TENM4: variants seen among roughly 807,000 people sequenced by gnomAD.
TENM4 encodes the protein teneurin-4.
In TENM4, 82 loss-of-function variants were observed where a neutral mutation model predicts 243.3. That is an observed-to-expected ratio of 0.34 (90% CI 0.28 to 0.40). The LOEUF (loss-of-function observed/expected upper bound fraction) is 0.40, where lower values mean the gene tolerates loss of function less well. Ranked by LOEUF, TENM4 falls within the 10% of genes least tolerant of loss-of-function variation. The pLI is 1.00. For synonymous variants in TENM4, 1,412 were observed against 1,456.3 expected (o/e 0.97, Z 0.69); for missense variants, 3,138 against 3,673.3 (o/e 0.85, Z 3.77).
At chr11:78,986,067 G>T (rs1473243277) in intron 6 of TENM4, among the ~76,000 whole-genome samples, 1 of 152,192 alleles carries the variant, frequency 6.6e-6, no homozygotes, top group African/African-American at 2.4e-5. Flanking sequence ...AATATACTAG[G>T]AGCAATTCCC....
intron 16 of TENM4, among the ~76,000 whole-genome samples, chr11:78,784,288 A>T (rs1856892257): frequency 6.6e-6 from 1 of 152,238 alleles, no homozygotes; most frequent in African/African-American, 2.4e-5. Flanking sequence ...ATCAAAGACT[A>T]AAAATGGATT....
chr11:79,104,277 A>C (rs532072671), intron 4 of TENM4, among the ~76,000 whole-genome samples: 54 of 152,370 alleles, frequency 3.5e-4, no homozygotes, highest in Non-Finnish European at 6.2e-4. Flanking sequence ...ATAGGTATTC[A>C]AGAAATTTTT....
intron 2 of TENM4, among the ~76,000 whole-genome samples, chr11:79,248,886 C>T (rs1368867523): frequency 6.6e-6 from 1 of 152,082 alleles, no homozygotes; most frequent in East Asian, 1.9e-4. Flanking sequence ...CTTCCTCTGG[C>T]CACATTAGTG....
Position 78,903,400 on chromosome 11 carries a change from G to T in TENM4, c.617C>A (p.Thr206Lys). 1 of 1,536,978 alleles carries T rather than the reference G, an allele frequency of 6.5e-7. No individual in the cohort carries two copies. ...SINSLNRGNFTPRSNPSPAPT... is the reference protein window; with the variant it reads ...SINSLNRGNFKPRSNPSPAPT... ...GGCCGGGCTGGGGTTGCTCCTCGGC[G>T]TGAAGTTGCCCCGGTTCAGGGAGTT... The change falls in exon 7 of 34, where the codon ACG (threonine) becomes AAG (lysine). Residue 206 changes from threonine (T) to lysine (K), a missense_variant. By Grantham distance (78) the Thr-to-Lys change is moderately conservative. This residue lies in a region of TENM4 where 671 missense variants were observed against 614.1 expected (regional missense o/e 1.09). Transcript: ENST00000278550.
At chr11:78,915,859 T>C (rs1430763229) in intron 6 of TENM4, among the ~76,000 whole-genome samples, 1 of 152,158 alleles carries the variant, frequency 6.6e-6, no homozygotes, top group Non-Finnish European at 1.5e-5. Flanking sequence ...TTTGTAGCCA[T>C]CAGTAATTTT....
At chr11:79,261,434 G>A (rs893166213) in intron 2 of TENM4, among the ~76,000 whole-genome samples, 1 of 152,164 alleles carries the variant, frequency 6.6e-6, no homozygotes, top group Non-Finnish European at 1.5e-5. Context: ...TTCAAGAAAT[G>A]CTTGCTGTGA....
At chr11:79,248,681 G>C (rs1855560599) in intron 2 of TENM4, among the ~76,000 whole-genome samples, 1 of 152,214 alleles carries the variant, frequency 6.6e-6, no homozygotes, top group African/African-American at 2.4e-5. Context: ...ATCTTCACAA[G>C]AGACCTTTGA....
chr11:78,961,998 C>G (rs915841058), intron 6 of TENM4: 4 of 152,244 alleles, frequency 2.6e-5, no homozygotes, highest in African/African-American at 9.7e-5. Context: ...TGCCTGAGCC[C>G]GCGGAGCCAC....
chr11:78,845,853 T>C (rs1286450717), intron 12 of TENM4, among the ~76,000 whole-genome samples: 2 of 152,210 alleles, frequency 1.3e-5, no homozygotes. Flanking sequence ...AAATATCTTC[T>C]ATCAGAATCT....
chr11:78,860,991 C>T (rs947615146), intron 10 of TENM4, among the ~76,000 whole-genome samples: 1 of 152,234 alleles, frequency 6.6e-6, no homozygotes, highest in African/African-American at 2.4e-5. Context: ...AGATCCGACT[C>T]CTGTTTAAAG....
chr11:78,727,325 T>G (rs1188024719), intron 22 of TENM4, among the ~76,000 whole-genome samples: 1 of 151,606 alleles, frequency 6.6e-6, no homozygotes, highest in African/African-American at 2.4e-5. Flanking sequence ...TGGGCGCCTG[T>G]AGTCCCAGCT....
chr11:78,949,992 G>A (rs1857080363), intron 6 of TENM4, among the ~76,000 whole-genome samples: 2 of 152,026 alleles, frequency 1.3e-5, no homozygotes, highest in African/African-American at 2.4e-5. Context: ...TTTGGTTGGC[G>A]GGGCGGGGGG....
chr11:79,111,485 CA>C (rs1167751103), intron 4 of TENM4, among the ~76,000 whole-genome samples: 9 of 152,158 alleles, frequency 5.9e-5, no homozygotes, highest in Non-Finnish European at 1.2e-4. Context: ...GTGGAGCTTG[CA>C]GTGAGCCGAG....
chr11:78,973,421 T>C (rs1457618412), intron 6 of TENM4, among the ~76,000 whole-genome samples: 1 of 152,268 alleles, frequency 6.6e-6, no homozygotes, highest in Admixed American at 6.5e-5. Flanking sequence ...TTTCCCCTAA[T>C]GGCAAATGAT....
At chr11:78,933,700 T>G (rs899667491) in intron 6 of TENM4, among the ~76,000 whole-genome samples, 4 of 152,178 alleles carry the variant, frequency 2.6e-5, no homozygotes, top group African/African-American at 9.7e-5. Context: ...TGCAAGGTAG[T>G]TGCACTGGAA....
intron 3 of TENM4, among the ~76,000 whole-genome samples, chr11:79,196,508 C>T (rs1022544483): frequency 2.0e-5 from 3 of 152,138 alleles, no homozygotes; most frequent in Non-Finnish European, 4.4e-5. Context: ...GGGGTCCTAA[C>T]CCGACCTATC....
chr11:78,903,141 G>A, intron 7 of TENM4, 127 bp downstream of exon 7: 1 of 1,316,870 alleles, frequency 7.6e-7, no homozygotes, highest in Non-Finnish European at 9.9e-7. Flanking sequence ...CCTAAACCGT[G>A]CACCCAACCC....
intron 15 of TENM4, among the ~76,000 whole-genome samples, chr11:78,788,953 C>T (rs946084617): frequency 2.0e-5 from 3 of 152,166 alleles, no homozygotes; most frequent in African/African-American, 7.2e-5. Flanking sequence ...ACCCCCTCCT[C>T]TGAGAAATCT....
At chr11:78,830,029 C>T (rs1857942162) in intron 12 of TENM4, among the ~76,000 whole-genome samples, 3 of 152,308 alleles carry the variant, frequency 2.0e-5, no homozygotes, top group South Asian at 4.1e-4. Context: ...ATGTTTCTTC[C>T]GCCTACACCA....
Sources: gnomAD v4.1 joint callset for allele counts (sites outside exome capture counted in the v4.1 genomes callset) on GRCh38, gnomAD v4.1.1 for gene constraint, gnomAD v4.1.1 regional missense constraint, MANE v1.5 for transcripts, NCBI Gene and HGNC (gene_info 2026-07-23, HGNC 2026-07-21) for gene names.